OTOGL: variants seen among roughly 807,000 people sequenced by gnomAD.
OTOGL encodes otogelin-like protein.
In OTOGL, 285 loss-of-function variants were observed where a neutral mutation model predicts 318.5. That is an observed-to-expected ratio of 0.89 (90% CI 0.81 to 0.99). The LOEUF is 0.99. Ranked by LOEUF, OTOGL falls within the 50% of genes least tolerant of loss-of-function variation. The pLI, the probability that OTOGL is intolerant of heterozygous loss-of-function variation, is 0.00. For synonymous variants in OTOGL, 987 were observed against 936.5 expected, an observed-to-expected ratio of 1.05 and a Z score of -0.99; for missense variants, 2,899 against 2,845.6, an observed-to-expected ratio of 1.02 and a Z score of -0.43.
rs151282067 is a variant in OTOGL, at chr12:80,196,302, C to T, written c.-19-13111C>T. ...CCAGGGACAGTTATCCTATCTACAG[C>T]CTTTCAACTATGCACCTTACATGAC... On this transcript the variant is annotated intron_variant, in intron 1 of 58. Coordinates refer to ENST00000547103, the MANE Select transcript of OTOGL (RefSeq NM_001378609.3). Among the ~76,000 whole-genome samples the T allele has an allele frequency of 4.2e-3, 633 of 152,260 alleles. 3 individuals are homozygous for T. Among genetic ancestry groups the T allele is most frequent in the Non-Finnish European group, 6.4e-3 (432 of 68,024 alleles).
At position 80,307,780 on chromosome 12, in the gene OTOGL, G is replaced by A. The variant is rs1230227424; in HGVS notation, c.3333+2085G>A. Among the ~76,000 whole-genome samples the A allele has an allele frequency of 6.9e-4, 99 of 143,626 alleles. 1 individual carries two copies. The highest frequency in any genetic ancestry group is 2.2e-3 in the African/African-American group (86 of 38,398). 94.2% of individuals were successfully genotyped at this position (143,626 alleles called of 152,430 possible). ...TCCCTCCCGGACGGGGTGGCTGGCCGGGCAGAGGGGCTCCTCACTTCCCAG... is the reference window on the plus strand; with the variant it reads ...TCCCTCCCGGACGGGGTGGCTGGCCAGGCAGAGGGGCTCCTCACTTCCCAG... On this transcript the variant is annotated intron_variant, in intron 29 of 58. Transcript: ENST00000547103.
chr12:80,295,491 A>T (rs1259120990), intron 26 of OTOGL, among the ~76,000 whole-genome samples: 2 of 152,188 alleles, frequency 1.3e-5, no homozygotes, highest in Admixed American at 1.3e-4. Flanking sequence ...ATTGCCAAAC[A>T]TTTAATGACT....
At chr12:80,110,850 CTA>C (rs1869795141) in intron 1 of OTOGL, among the ~76,000 whole-genome samples, 1 of 152,226 alleles carries the variant, frequency 6.6e-6, no homozygotes, top group Non-Finnish European at 1.5e-5. Flanking sequence ...AATGGTTGAA[CTA>C]ATTTACACTC....
intron 52 of OTOGL, chr12:80,366,342 A>G (rs1323229726): frequency 2.2e-6 from 1 of 459,576 alleles, no homozygotes; most frequent in South Asian, 1.6e-5. Flanking sequence ...TCCATGAAGC[A>G]AAGTTCCTAA....
chr12:80,228,637 C>A (rs577005726), intron 7 of OTOGL, among the ~76,000 whole-genome samples: 2 of 151,994 alleles, frequency 1.3e-5, no homozygotes, highest in Admixed American at 6.6e-5. Flanking sequence ...ACTTTTTGGA[C>A]CTTTTGAAAT....
chr12:80,347,765 C>G (rs553415886), intron 44 of OTOGL, among the ~76,000 whole-genome samples: 2 of 152,112 alleles, frequency 1.3e-5, no homozygotes, highest in East Asian at 3.9e-4. Context: ...CCTCTTTCTC[C>G]ACATCCTCTC....
chr12:80,327,572 C>T (rs1488742422), intron 35 of OTOGL, among the ~76,000 whole-genome samples: 1 of 151,932 alleles, frequency 6.6e-6, no homozygotes, highest in Non-Finnish European at 1.5e-5. Flanking sequence ...GCAGGGAGAG[C>T]CACTGAAGAT....
chr12:80,265,334 C>T, intron 20 of OTOGL, 124 bp downstream of exon 20: 1 of 975,396 alleles, frequency 1.0e-6, no homozygotes, highest in South Asian at 1.7e-5. Flanking sequence ...GAAATATTCT[C>T]ATAATGTACA....
Position 80,366,615 on chromosome 12 carries a change from TG to T in OTOGL, c.6311del (p.Gly2104AspfsTer21). The T allele has an allele frequency of 1.4e-6, 2 of 1,428,840 alleles. No homozygotes were observed. The highest frequency in any genetic ancestry group is 1.8e-6 in the Non-Finnish European group (2 of 1,084,884). The allele number at this position is 1,428,840 out of a possible 1,614,324, so 88.5% of individuals were successfully genotyped here. On this transcript the variant is annotated frameshift_variant, in exon 53 of 59. Transcript: ENST00000547103. LOFTEE classifies it high-confidence loss of function. ...TAGACCATAACTTCCAGAGTGATTGTGGATGCATACAGTATCTCTGTGGTAA... is the reference window on the plus strand; with the variant it reads ...TAGACCATAACTTCCAGAGTGATTGTGATGCATACAGTATCTCTGTGGTAA... ...AIDHNFQSDCGCIQYLCEKDD... is the reference protein window; with the variant it reads ...AIDHNFQSDCXCIQYLCEKDD...
At chr12:80,107,081 G>A (rs907675768) in intron 1 of OTOGL, among the ~76,000 whole-genome samples, 16 of 152,198 alleles carry the variant, frequency 1.1e-4, no homozygotes, top group South Asian at 2.1e-4. Context: ...TTGCTCAGGT[G>A]TCTAGGATCA....
chr12:80,345,046 TTA>T (rs1380316976), intron 44 of OTOGL, among the ~76,000 whole-genome samples: 12 of 127,438 alleles, frequency 9.4e-5, no homozygotes, highest in South Asian at 5.0e-4. Flanking sequence ...ACATATATTA[TTA>T]TATGTTATAT....
chr12:80,350,620 C>T (rs1889483807), intron 44 of OTOGL, among the ~76,000 whole-genome samples: 1 of 152,126 alleles, frequency 6.6e-6, no homozygotes, highest in African/African-American at 2.4e-5. Context: ...GGAAATATCA[C>T]ATTGTGGTTT....
At chr12:80,283,786 CA>C (rs778973891) in intron 26 of OTOGL, among the ~76,000 whole-genome samples, 5 of 152,154 alleles carry the variant, frequency 3.3e-5, no homozygotes, top group Admixed American at 6.6e-5. Flanking sequence ...AGTGTGCATG[CA>C]GATCACCTAG....
intron 34 of OTOGL, among the ~76,000 whole-genome samples, chr12:80,322,165 C>A (rs1410358305): frequency 6.6e-6 from 1 of 152,106 alleles, no homozygotes; most frequent in Non-Finnish European, 1.5e-5. Context: ...GCAAGGAGAA[C>A]CAAGGGGAGA....
intron 43 of OTOGL, among the ~76,000 whole-genome samples, chr12:80,340,450 A>G (rs1000719927): frequency 6.6e-6 from 1 of 152,160 alleles, no homozygotes; most frequent in African/African-American, 2.4e-5. Context: ...GAGACTGGAA[A>G]TGCATATTTT....
intron 47 of OTOGL, 92 bp downstream of exon 47, chr12:80,356,040 T>C (rs894639976): frequency 7.4e-7 from 1 of 1,352,680 alleles, no homozygotes; most frequent in African/African-American, 1.5e-5. Flanking sequence ...GCTTTGTATT[T>C]TTAAAAAAGG....
At chr12:80,323,162 T>C (rs919823871) in intron 34 of OTOGL, among the ~76,000 whole-genome samples, 2 of 150,582 alleles carry the variant, frequency 1.3e-5, no homozygotes, top group African/African-American at 4.9e-5. Context: ...ATAAAATATT[T>C]TGAATTTTCC....
intron 42 of OTOGL, among the ~76,000 whole-genome samples, chr12:80,337,714 G>C (rs970347752): frequency 6.6e-6 from 1 of 151,926 alleles, no homozygotes; most frequent in African/African-American, 2.4e-5. Flanking sequence ...TCTTAAAATG[G>C]CTGAAGTACT....
At chr12:80,226,997 C>T (rs1007548855) in intron 7 of OTOGL, among the ~76,000 whole-genome samples, 13 of 152,026 alleles carry the variant, frequency 8.6e-5, no homozygotes, top group South Asian at 4.1e-4. Context: ...TCTTTTAATT[C>T]CCAGAGTTCT....
Sources: gnomAD v4.1 joint callset for allele counts (sites outside exome capture counted in the v4.1 genomes callset) on GRCh38, gnomAD v4.1.1 for gene constraint, MANE v1.5 for transcripts, NCBI Gene and HGNC (gene_info 2026-07-23, HGNC 2026-07-21) for gene names.